ALMS1: variants seen among roughly 807,000 people sequenced by gnomAD.
ALMS1 encodes the protein ALMS1 centrosome and basal body associated protein, also known as centrosome-associated protein ALMS1.
A neutral mutation model predicts 352.2 loss-of-function variants in ALMS1; 271 were observed. The observed-to-expected ratio is 0.77, with a 90% CI of 0.70 to 0.85. ALMS1 has a LOEUF of 0.85. Among genes scored for constraint, ALMS1 ranks in the 40% least tolerant of loss-of-function variants. ALMS1 has a pLI of 0.00. For missense variants in ALMS1, 5,445 were observed against 4,870.7 expected (o/e 1.12, Z -3.51); for synonymous variants, 1,865 against 1,761.2 (o/e 1.06, Z -1.48).
At chr2:73,432,031 T>C (rs934575600) in intron 6 of ALMS1, among the ~76,000 whole-genome samples, 167 bp from the exon 7 acceptor site, 1 of 152,210 alleles carries the variant, frequency 6.6e-6, no homozygotes, top group Non-Finnish European at 1.5e-5. Flanking sequence ...CTTAAGTAAC[T>C]AGTATAACTT....
intron 14 of ALMS1, 45 bp downstream of exon 14, chr2:73,557,399 T>G (rs747796622): frequency 6.2e-7 from 1 of 1,612,104 alleles, no homozygotes; most frequent in Non-Finnish European, 8.5e-7. Flanking sequence ...TCTGGTCTTC[T>G]AAAATGAGAC....
rs1385786427 is a variant in ALMS1 at position 73,448,835 on chromosome 2, C to G, written c.2308C>G (p.Pro770Ala). The G allele has an allele frequency of 6.2e-7, 1 of 1,613,934 alleles. No individual in the cohort carries two copies. Among genetic ancestry groups the G allele is most frequent in the East Asian group, 2.2e-5 (1 of 44,866 alleles). ...QSSSYSQREK[P>A]SILYPQDLAD... is the part of the protein sequence containing the mutation. The stretch of plus-strand genomic sequence containing the variant: ...TAGTTCTTACTCACAAAGAGAAAAG[C>G]CTAGTATTTTGTACCCACAGGACTT... The change falls in exon 8 of 23, where the codon CCT (proline) becomes GCT (alanine). Residue 770 changes from proline (P) to alanine (A), a missense_variant. Transcript: ENST00000613296.
intron 7 of ALMS1, among the ~76,000 whole-genome samples, chr2:73,440,263 G>A (rs1019232051): frequency 6.6e-6 from 1 of 152,076 alleles, no homozygotes; most frequent in African/African-American, 2.4e-5. Flanking sequence ...TATTACAGGC[G>A]TGAGCCAATG....
At chr2:73,402,291 T>A (rs1191897305) in intron 1 of ALMS1, among the ~76,000 whole-genome samples, 17 of 145,264 alleles carry the variant, frequency 1.2e-4, no homozygotes, top group African/African-American at 2.7e-4. Context: ...TTTTTTTTTT[T>A]AAGACAGAAT....
At chr2:73,604,891 C>A (rs1344720318) in intron 21 of ALMS1, among the ~76,000 whole-genome samples, 2 of 152,136 alleles carry the variant, frequency 1.3e-5, no homozygotes, top group African/African-American at 4.8e-5. Context: ...CTGTAGTAGT[C>A]TAGTAGGCAT....
chr2:73,416,568 G>A (rs1671185018), intron 2 of ALMS1, among the ~76,000 whole-genome samples: 1 of 152,124 alleles, frequency 6.6e-6, no homozygotes, highest in Non-Finnish European at 1.5e-5. Flanking sequence ...GCTGGAAAAT[G>A]TTTGCGAAAA....
intron 10 of ALMS1, among the ~76,000 whole-genome samples, chr2:73,494,951 T>G (rs1468522465): frequency 1.3e-5 from 2 of 151,978 alleles, no homozygotes; most frequent in Non-Finnish European, 2.9e-5. Context: ...GTTTTAATTT[T>G]TTTATGTCTG....
chr2:73,545,480 C>T (rs1379304557), intron 12 of ALMS1, among the ~76,000 whole-genome samples: 1 of 152,160 alleles, frequency 6.6e-6, no homozygotes, highest in East Asian at 1.9e-4. Flanking sequence ...CGCACGTGGT[C>T]ATGGTTACAT....
At position 73,608,335 on chromosome 2, in the gene ALMS1, A is replaced by G. The variant is rs763211750; in HGVS notation, c.12363-140A>G. 64 of 707,378 alleles carry G rather than the reference A, an allele frequency of 9.0e-5. No individual in the cohort carries two copies. In the African/African-American group the frequency reaches 1.1e-3, roughly 12 times the overall value. 43.8% of individuals were successfully genotyped at this position (707,378 alleles called of 1,614,324 possible). A position where few individuals can be genotyped will look rare whatever the true frequency, so the allele number is the denominator to read the frequency against. ...TAGGGTTTTCTGTGCTGGAGTATCT[A>G]ACGGGGCCCAGGGCCTTTCTGAGAG... On this transcript the variant is annotated intron_variant, in intron 21 of 22. Transcript: ENST00000613296.
At chr2:73,521,975 G>A (rs1031882586) in intron 11 of ALMS1, among the ~76,000 whole-genome samples, 7 of 151,924 alleles carry the variant, frequency 4.6e-5, no homozygotes, top group Non-Finnish European at 8.8e-5. Context: ...ACAAAAAATC[G>A]TATGTTAACT....
intron 16 of ALMS1, among the ~76,000 whole-genome samples, chr2:73,584,739 G>A (rs1675269828): frequency 1.3e-5 from 2 of 152,284 alleles, no homozygotes; most frequent in South Asian, 4.1e-4. Context: ...CACCTGAGCA[G>A]TATACACTGC....
At chr2:73,402,907 A>G (rs1037144064) in intron 1 of ALMS1, among the ~76,000 whole-genome samples, 1 of 152,062 alleles carries the variant, frequency 6.6e-6, no homozygotes, top group African/African-American at 2.4e-5. Context: ...ACTGAGTTGC[A>G]CAAGTTCTTT....
At chr2:73,404,929 T>TTTTTTTTTTA (rs1670943713) in intron 1 of ALMS1, among the ~76,000 whole-genome samples, 1 of 134,602 alleles carries the variant, frequency 7.4e-6, no homozygotes, top group Non-Finnish European at 1.6e-5. Context: ...TTTTTTTTTT[T>TTTTTTTTTTA]GAGACAGGGT....
At chr2:73,552,760 A>G (rs1046544003) in intron 13 of ALMS1, among the ~76,000 whole-genome samples, 10 of 152,222 alleles carry the variant, frequency 6.6e-5, no homozygotes, top group Non-Finnish European at 1.5e-4. Flanking sequence ...AGAGGAGAGA[A>G]TGCCTGCCTG....
At chr2:73,479,526 G>C (rs1451184070) in intron 9 of ALMS1, among the ~76,000 whole-genome samples, 2 of 152,108 alleles carry the variant, frequency 1.3e-5, no homozygotes. Flanking sequence ...CTTATCTGGA[G>C]ATTCATCCAG....
chr2:73,579,764 A>T (rs1675134434), intron 16 of ALMS1, among the ~76,000 whole-genome samples: 2 of 152,052 alleles, frequency 1.3e-5, no homozygotes, highest in Non-Finnish European at 2.9e-5. Context: ...TTTACCGAGG[A>T]TCCCTTCTGT....
intron 21 of ALMS1, 97 bp downstream of exon 21, chr2:73,603,401 C>G (rs891432745): frequency 3.9e-6 from 4 of 1,019,496 alleles, no homozygotes; most frequent in African/African-American, 3.3e-5. Context: ...GTATTATACT[C>G]AAGTTTAAAC....
intron 16 of ALMS1, among the ~76,000 whole-genome samples, chr2:73,586,427 G>T (rs1675315155): frequency 6.6e-6 from 1 of 152,038 alleles, no homozygotes; most frequent in African/African-American, 2.4e-5. Flanking sequence ...TTTTTGTAAG[G>T]GTGAGAGATG....
chr2:73,570,606 C>T (rs1674906935), intron 15 of ALMS1, among the ~76,000 whole-genome samples: 1 of 150,854 alleles, frequency 6.6e-6, no homozygotes, highest in Admixed American at 6.6e-5. Context: ...ATTTTCTAAA[C>T]ATACATACTA....
Sources: allele counts gnomAD v4.1 joint callset (sites outside exome capture counted in the v4.1 genomes callset), GRCh38; gene constraint gnomAD v4.1.1; transcripts MANE v1.5; gene names NCBI Gene and HGNC (gene_info 2026-07-23, HGNC 2026-07-21).